C12orf42: variants seen among roughly 807,000 people sequenced by gnomAD.
The protein encoded by C12orf42 is chromosome 12 open reading frame 42.
A neutral mutation model predicts 21.6 loss-of-function variants in C12orf42; 25 were observed. The observed-to-expected ratio is 1.16, with a 90% CI of 0.84 to 1.62. The LOEUF (loss-of-function observed/expected upper bound fraction) is 1.62. Among genes scored for constraint, C12orf42 ranks in the 40% most tolerant of loss-of-function variants. The probability of loss-of-function intolerance (pLI) is 0.00; values close to 1 mark genes in which losing one functional copy is unlikely to be tolerated. For missense variants in C12orf42, 483 were observed against 459.3 expected, an observed-to-expected ratio of 1.05 and a Z score of -0.47; for synonymous variants, 174 against 175.0, an observed-to-expected ratio of 0.99 and a Z score of 0.05.
the C12orf42 span, among the ~76,000 whole-genome samples, chr12:103,153,186 T>A: frequency 6.6e-6 from 1 of 152,170 alleles, no homozygotes; most frequent in Non-Finnish European, 1.5e-5. Context: ...CCAGATATAC[T>A]GCAGATTTAA....
chr12:103,402,319 C>T (rs1470853218), intron 2 of C12orf42, among the ~76,000 whole-genome samples: 2 of 152,194 alleles, frequency 1.3e-5, no homozygotes, highest in Non-Finnish European at 2.9e-5. Context: ...TCAAACCAGA[C>T]ATTTGATTTG....
the C12orf42 span, among the ~76,000 whole-genome samples, chr12:103,543,698 T>C: frequency 6.6e-6 from 1 of 152,166 alleles, no homozygotes; most frequent in Non-Finnish European, 1.5e-5. Context: ...TAATTCTGTC[T>C]TAGCTTATCA....
chr12:103,418,832 A>T (rs931949734), intron 2 of C12orf42, among the ~76,000 whole-genome samples: 38 of 143,738 alleles, frequency 2.6e-4, no homozygotes, highest in Non-Finnish European at 3.4e-4. Flanking sequence ...ATTCCGTTAA[A>T]TTTTTTTTTT....
chr12:103,091,873 G>A, the C12orf42 span, among the ~76,000 whole-genome samples: 1 of 152,150 alleles, frequency 6.6e-6, no homozygotes, highest in African/African-American at 2.4e-5. Context: ...ACGAGGAAAA[G>A]TCTCTTTTAA....
chr12:103,282,518 G>T (rs1047061204), intron 4 of C12orf42, among the ~76,000 whole-genome samples: 1 of 152,118 alleles, frequency 6.6e-6, no homozygotes, highest in Admixed American at 6.6e-5. Context: ...GGAGCAATAG[G>T]ATATATCATA....
At chr12:103,190,607 A>G in the C12orf42 span, among the ~76,000 whole-genome samples, 1 of 152,228 alleles carries the variant, frequency 6.6e-6, no homozygotes, top group African/African-American at 2.4e-5. Flanking sequence ...TGCAATAACT[A>G]AACTGAAAAA....
the C12orf42 span, among the ~76,000 whole-genome samples, chr12:103,058,935 G>C: frequency 6.6e-6 from 1 of 151,936 alleles, no homozygotes; most frequent in African/African-American, 2.4e-5. Flanking sequence ...AGAAACAAGA[G>C]CAAACTCAAA....
intron 10 of C12orf42, chr12:103,262,437 T>G (rs568036846): frequency 1.1e-4 from 16 of 152,328 alleles, no homozygotes; most frequent in African/African-American, 3.8e-4. Flanking sequence ...TTTTGTAAAT[T>G]GAAATCGGAT....
At chr12:103,560,107 G>T in the C12orf42 span, among the ~76,000 whole-genome samples, 1 of 152,118 alleles carries the variant, frequency 6.6e-6, no homozygotes. Flanking sequence ...AATAATAAAA[G>T]CCCTTTATAA....
At chr12:103,185,142 T>C in the C12orf42 span, among the ~76,000 whole-genome samples, 4 of 152,148 alleles carry the variant, frequency 2.6e-5, no homozygotes, top group Admixed American at 6.5e-5. Context: ...GAAAAAGCAA[T>C]AAAGAGTGCA....
chr12:103,261,942 CT>C (rs1566001607), intron 10 of C12orf42, among the ~76,000 whole-genome samples: 1 of 152,110 alleles, frequency 6.6e-6, no homozygotes. Flanking sequence ...GGGAAAATAG[CT>C]GGTTGGTGCA....
At chr12:103,162,506 GGTGTGTGTGT>G in the C12orf42 span, among the ~76,000 whole-genome samples, 7 of 147,632 alleles carry the variant, frequency 4.7e-5, no homozygotes, top group African/African-American at 7.5e-5. Flanking sequence ...CCAACAAGCT[GGTGTGTGTGT>G]GTGTGTGTGT....
chr12:103,385,498 T>G (rs1398059488), intron 3 of C12orf42, among the ~76,000 whole-genome samples: 1 of 152,238 alleles, frequency 6.6e-6, no homozygotes, highest in South Asian at 2.1e-4. Flanking sequence ...ATGTACTTAT[T>G]CTTGTGTTAA....
intron 4 of C12orf42, among the ~76,000 whole-genome samples, chr12:103,356,930 T>C (rs60563650): frequency 0.11 from 16,383 of 151,838 alleles, 1,039 homozygotes; most frequent in East Asian, 0.2. Flanking sequence ...ATATACACCA[T>C]GGAATACTAT....
At chr12:103,276,983 G>A (rs1184607548) in intron 5 of C12orf42, among the ~76,000 whole-genome samples, 2 of 152,104 alleles carry the variant, frequency 1.3e-5, no homozygotes, top group African/African-American at 4.8e-5. Flanking sequence ...AGAAGGGATT[G>A]AAAGAGAAAT....
Position 103,385,945 on chromosome 12 carries a change from C to T in C12orf42, c.147+15662G>A, listed in dbSNP as rs1237150906. ...ATGCTGATCACTGTGATCAAAAAGG[C>T]TCAGCTTCATTAAAAAGAGACACAA... On this transcript the variant is annotated intron_variant, in intron 3 of 5. Coordinates refer to ENST00000548883, the MANE Select transcript of C12orf42 (RefSeq NM_198521.5). 2.0e-5 allele frequency among the ~76,000 whole-genome samples: 3 copies of T among 152,142 alleles called. No homozygotes were observed. In the East Asian group the frequency reaches 5.8e-4, roughly 29 times the overall value.
chr12:103,205,777 A>C, the C12orf42 span, among the ~76,000 whole-genome samples: 4 of 152,172 alleles, frequency 2.6e-5, no homozygotes, highest in Non-Finnish European at 5.9e-5. Flanking sequence ...ATAGAATACA[A>C]TGCTGACATG....
intron 6 of C12orf42, chr12:103,269,715 T>A (rs2035350496): frequency 6.6e-6 from 1 of 152,046 alleles, no homozygotes; most frequent in African/African-American, 2.4e-5. Context: ...GTCCCTCCCC[T>A]CAAACTCATG....
At chr12:103,421,372 C>T (rs1006938102) in intron 2 of C12orf42, among the ~76,000 whole-genome samples, 9 of 151,998 alleles carry the variant, frequency 5.9e-5, no homozygotes, top group South Asian at 2.1e-4. Context: ...GAGTCTGAGA[C>T]CAGCATGGGC....
Sources: gnomAD v4.1 joint callset for allele counts (sites outside exome capture counted in the v4.1 genomes callset) on GRCh38, gnomAD v4.1.1 for gene constraint, MANE v1.5 for transcripts, NCBI Gene and HGNC (gene_info 2026-07-23, HGNC 2026-07-21) for gene names.